FREM1: variants seen among roughly 807,000 people sequenced by gnomAD.
FREM1 encodes FRAS1-related extracellular matrix protein 1.
Under a neutral mutation model 210.1 loss-of-function variants are expected in FREM1, and 220 were observed. That is an observed-to-expected ratio of 1.05 (90% CI 0.94 to 1.17). FREM1 has a LOEUF of 1.17. Ranked by LOEUF, FREM1 falls within the 50% of genes most tolerant of loss-of-function variation. FREM1 has a pLI of 0.00. For missense variants in FREM1, 3,454 were observed against 2,675.5 expected, an observed-to-expected ratio of 1.29 and a Z score of -6.42; for synonymous variants, 1,189 against 980.2, an observed-to-expected ratio of 1.21 and a Z score of -3.98.
intron 24 of FREM1, among the ~76,000 whole-genome samples, chr9:14,778,935 TC>T (rs904687929): frequency 5.9e-5 from 9 of 152,256 alleles, no homozygotes; most frequent in African/African-American, 2.2e-4. Context: ...ATATGTCTGT[TC>T]TTCAAACTTT....
chr9:14,804,463 C>T (rs199766226), intron 19 of FREM1, among the ~76,000 whole-genome samples: 16 of 152,122 alleles, frequency 1.1e-4, no homozygotes, highest in South Asian at 8.3e-4. Flanking sequence ...CGGGCACCTG[C>T]AGTCCCAGCT....
chr9:14,854,202 C>G (rs1414544865), intron 5 of FREM1, among the ~76,000 whole-genome samples: 1 of 151,824 alleles, frequency 6.6e-6, no homozygotes, highest in African/African-American at 2.4e-5. Context: ...AAGGAATTGT[C>G]AAATAAGATA....
Position 14,851,416 on chromosome 9 carries a change from C to T in FREM1, c.1020G>A (p.Pro340=), listed in dbSNP as rs566290964. ...ACAGGTGAGTCACATAGCCCTGGAGCGGGGCTTTAGTAATGTTGAACACCA... is the reference window on the plus strand; with the variant it reads ...ACAGGTGAGTCACATAGCCCTGGAGTGGGGCTTTAGTAATGTTGAACACCA... ...PLLVFNITKA[P]LQGYVTHLLD... is the part of the protein sequence containing the mutation. Residue 340 remains proline, a synonymous_variant, in exon 6 of 37, where the codon CCG becomes CCA. Transcript: ENST00000380880. The T allele has an allele frequency of 4.2e-5, 68 of 1,613,848 alleles. No homozygotes were observed. In the South Asian group the frequency reaches 4.6e-4, roughly 11 times the overall value.
chr9:14,737,188 G>C lies in FREM1; in HGVS notation c.*208C>G. On this transcript the variant is annotated 3_prime_UTR_variant, in exon 37 of 37. Coordinates refer to ENST00000380880, the MANE Select transcript of FREM1 (RefSeq NM_001379081.2). ...GCTGGCATTTATTTTAAAAGGTATTGAGATACAAAAATTGTATCTTATCTT... is the reference window on the plus strand; with the variant it reads ...GCTGGCATTTATTTTAAAAGGTATTCAGATACAAAAATTGTATCTTATCTT... 2 of 494,690 alleles carry C rather than the reference G, an allele frequency of 4.0e-6. No individual in the cohort carries two copies. Among genetic ancestry groups the C allele is most frequent in the Non-Finnish European group, 7.1e-6 (2 of 282,612 alleles). The allele number at this position is 494,690 out of a possible 1,614,324, so 30.6% of individuals were successfully genotyped here. A position where few individuals can be genotyped will look rare whatever the true frequency, so the allele number is the denominator to read the frequency against.
intron 1 of FREM1, among the ~76,000 whole-genome samples, chr9:14,899,882 T>C (rs1408969921): frequency 1.3e-5 from 2 of 152,248 alleles, no homozygotes; most frequent in African/African-American, 4.8e-5. Context: ...CTTTACTGTG[T>C]TGGCCAAAGG....
intron 10 of FREM1, among the ~76,000 whole-genome samples, chr9:14,830,760 C>G (rs1470811473): frequency 6.6e-6 from 1 of 152,130 alleles, no homozygotes. Context: ...TTTATCTAAA[C>G]CGGCATGAGG....
chr9:14,763,507 G>A (rs915143841), intron 27 of FREM1, among the ~76,000 whole-genome samples: 15 of 152,236 alleles, frequency 9.9e-5, no homozygotes, highest in African/African-American at 2.9e-4. Context: ...AAAAAAGAAA[G>A]CAAAAGCTGG....
chr9:14,772,563 T>C (rs1407167253), intron 25 of FREM1, among the ~76,000 whole-genome samples: 1 of 152,188 alleles, frequency 6.6e-6, no homozygotes, highest in Non-Finnish European at 1.5e-5. Flanking sequence ...TGTCAAGAAT[T>C]TTTTTTCTTG....
At chr9:14,869,874 C>G (rs377195765) in intron 1 of FREM1, among the ~76,000 whole-genome samples, 1 of 152,202 alleles carries the variant, frequency 6.6e-6, no homozygotes, top group Non-Finnish European at 1.5e-5. Context: ...GGTGACATAG[C>G]TTCAGCACGC....
At chr9:14,869,715 G>C (rs1005460533) in intron 1 of FREM1, among the ~76,000 whole-genome samples, 1 of 152,242 alleles carries the variant, frequency 6.6e-6, no homozygotes, top group Non-Finnish European at 1.5e-5. Context: ...TAAGAAAGAA[G>C]TTTAATGATT....
At chr9:14,775,176 G>T (rs938184634) in intron 25 of FREM1, among the ~76,000 whole-genome samples, 10 of 152,144 alleles carry the variant, frequency 6.6e-5, no homozygotes, top group Non-Finnish European at 1.5e-4. Context: ...AGTAGATTCA[G>T]AAGAGTTAAA....
chr9:14,853,071 A>G (rs948627902), intron 5 of FREM1, among the ~76,000 whole-genome samples: 4 of 152,180 alleles, frequency 2.6e-5, no homozygotes, highest in African/African-American at 9.6e-5. Flanking sequence ...CTGACCTTCA[A>G]CACCAAACAT....
At chr9:14,779,624 C>T (rs1849316811) in intron 24 of FREM1, 2 of 242,936 alleles carry the variant, frequency 8.2e-6, no homozygotes, top group South Asian at 1.5e-4. Context: ...GAGGTCACCG[C>T]AGTTGTCTTA....
chr9:14,849,147 C>G (rs1353224), intron 6 of FREM1, among the ~76,000 whole-genome samples: 118,957 of 151,546 alleles, frequency 0.78, 46,815 homozygotes, highest in East Asian at 0.97. Context: ...TGTCCCACTA[C>G]AGGACTTTTG....
At position 14,775,962 on chromosome 9, in the gene FREM1, G is replaced by C. The variant is rs759674293; in HGVS notation, c.4684C>G (p.Leu1562Val). 5.0e-6 allele frequency: 8 copies of C among 1,613,990 alleles called. No homozygotes were observed. The East Asian group carries it at 1.6e-4, about 31-fold the overall frequency. Residue 1562 changes from leucine to valine, a missense_variant, in exon 25 of 37, where the codon CTA becomes GTA. Coordinates refer to ENST00000380880, the MANE Select transcript of FREM1 (RefSeq NM_001379081.2). ...TGCTGGGTGAAATTGTGTTGAAGTA[G>C]CCCTGTCCCCCACAGGTAGAGCTGG... ...HGQLYLWGTG[L>V]LQHNFTQQDV...
chr9:14,749,951 G>A (rs1843061486), intron 30 of FREM1, among the ~76,000 whole-genome samples, 176 bp downstream of exon 30: 1 of 152,188 alleles, frequency 6.6e-6, no homozygotes, highest in South Asian at 2.1e-4. Flanking sequence ...TTAGCAGGAG[G>A]AAAACCACAT....
chr9:14,808,125 A>C lies in FREM1; in HGVS notation c.2903T>G (p.Ile968Ser). The change falls in exon 17 of 37, where the codon ATT becomes AGT. Residue 968 changes from isoleucine (I) to serine (S), a missense_variant. Ile to Ser is a moderately radical substitution (Grantham distance 142). Transcript: ENST00000380880. ...GGTGTCAAAACAAGGCATCAGGCCAATCTCGCCACCTGGAAGACACAACTA... is the reference window on the plus strand; with the variant it reads ...GGTGTCAAAACAAGGCATCAGGCCACTCTCGCCACCTGGAAGACACAACTA... ...AVTYKHTGGEIGLMPCFDTIT... is the reference protein window; with the variant it reads ...AVTYKHTGGESGLMPCFDTIT... 8.2e-6 allele frequency: 13 copies of C among 1,594,676 alleles called. No homozygotes were observed. Among genetic ancestry groups the C allele is most frequent in the Non-Finnish European group, 1.1e-5 (13 of 1,169,460 alleles).
At position 14,898,551 on chromosome 9, in the gene FREM1, G is replaced by C. The variant is rs1011555139; in HGVS notation, c.-268+11363C>G. ...GAGGTCAGGAGTTCGAGACCAGCCT[G>C]GCCAACATGGCGAAACCTCGTCACT... On this transcript the variant is annotated intron_variant, in intron 1 of 36. Transcript: ENST00000380880. 2.0e-5 allele frequency among the ~76,000 whole-genome samples: 3 copies of C among 152,144 alleles called. 1 individual carries two copies. Among genetic ancestry groups the C allele is most frequent in the African/African-American group, 7.2e-5 (3 of 41,416 alleles).
In FREM1 at chr9:14,750,044, G is replaced by A. The variant is rs187391085; in HGVS notation, c.5557+83C>T. 22 of 1,374,612 alleles carry A rather than the reference G, an allele frequency of 1.6e-5. No individual in the cohort carries two copies. The African/African-American group carries it at 2.2e-4, about 14-fold the overall frequency. 85.2% of individuals were successfully genotyped at this position (1,374,612 alleles called of 1,614,324 possible). ...AAATTAAGCATTTTGATTTGAAGGTGTTATCAAGCACGTTGGCTGTTGAAG... is the reference window on the plus strand; with the variant it reads ...AAATTAAGCATTTTGATTTGAAGGTATTATCAAGCACGTTGGCTGTTGAAG... On this transcript the variant is annotated intron_variant, in intron 30 of 36. Transcript: ENST00000380880.
Sources: allele counts gnomAD v4.1 joint callset (sites outside exome capture counted in the v4.1 genomes callset), GRCh38; gene constraint gnomAD v4.1.1; transcripts MANE v1.5; gene names NCBI Gene and HGNC (gene_info 2026-07-23, HGNC 2026-07-21).